The following MCCC1 variants were observed in gnomAD, a reference collection of about 807,000 sequenced individuals.
MCCC1 encodes the protein methylcrotonoyl-CoA carboxylase subunit alpha, mitochondrial.
MCCC1 carries 64 observed loss-of-function variants against 83.8 expected under a neutral mutation model. That is an observed-to-expected ratio of 0.76 (90% CI 0.62 to 0.94). The LOEUF is 0.94. Among genes scored for constraint, MCCC1 ranks in the 40% least tolerant of loss-of-function variants. The pLI, the probability that MCCC1 is intolerant of heterozygous loss-of-function variation, is 0.00. For missense variants in MCCC1, 807 were observed against 904.7 expected (o/e 0.89, Z 1.39); for synonymous variants, 322 against 315.4 (o/e 1.02, Z -0.22).
intron 7 of MCCC1, among the ~76,000 whole-genome samples, chr3:183,070,660 G>A (rs1018314185): frequency 6.6e-6 from 1 of 152,000 alleles, no homozygotes; most frequent in African/African-American, 2.4e-5. Flanking sequence ...TTGAACTCGG[G>A]AGGCAGAGGT....
At chr3:183,109,486 TGTAA>T (rs1034076268) in intron 1 of MCCC1, among the ~76,000 whole-genome samples, 2 of 152,226 alleles carry the variant, frequency 1.3e-5, no homozygotes, top group Non-Finnish European at 2.9e-5. Context: ...AGCTCCCACT[TGTAA>T]GTGAGAACAT....
At chr3:183,103,025 G>A (rs905701959), upstream of MCCC1, among the ~76,000 whole-genome samples, 80 of 152,030 alleles carry the variant, frequency 5.3e-4, no homozygotes, top group Middle Eastern at 6.8e-3. Context: ...CTGACTTCAA[G>A]AATGAAACCG....
intron 7 of MCCC1, among the ~76,000 whole-genome samples, chr3:183,069,950 A>G (rs535448285): frequency 1.3e-5 from 2 of 152,348 alleles, no homozygotes; most frequent in Admixed American, 1.3e-4. Context: ...GCCTGGGTTC[A>G]AATCTCAGCT....
chr3:183,109,313 G>T (rs1160235964), intron 1 of MCCC1, among the ~76,000 whole-genome samples: 1 of 151,952 alleles, frequency 6.6e-6, no homozygotes, highest in Non-Finnish European at 1.5e-5. Context: ...ATTTATATGG[G>T]TATATTGCAT....
chr3:183,045,678 T>C, intron 9 of MCCC1, 138 bp from the exon 10 acceptor site: 1 of 909,750 alleles, frequency 1.1e-6, no homozygotes, highest in African/African-American at 1.7e-5. Flanking sequence ...AGAAAACATC[T>C]CGCATTTGCA....
intron 11 of MCCC1, among the ~76,000 whole-genome samples, chr3:183,041,039 A>T (rs1031492829): frequency 6.6e-6 from 1 of 152,244 alleles, no homozygotes; most frequent in African/African-American, 2.4e-5. Flanking sequence ...AAAGGAACAC[A>T]AGTAGAAAAA....
chr3:183,113,417 G>A, intron 1 of MCCC1, among the ~76,000 whole-genome samples: 1 of 136,632 alleles, frequency 7.3e-6, no homozygotes, highest in Non-Finnish European at 1.6e-5. Flanking sequence ...GACTGTTGTG[G>A]GGTGGGGGGA....
At chr3:183,094,678 A>T in intron 1 of MCCC1, 73 bp from the exon 2 acceptor site, 1 of 1,494,452 alleles carries the variant, frequency 6.7e-7, no homozygotes, top group Non-Finnish European at 9.3e-7. Context: ...AAAGAATTTC[A>T]GTTTCTTAAA....
rs547421709 is a variant in MCCC1 at position 183,037,381 on chromosome 3, T to C, written c.1431A>G (p.Pro477=). ...IDFLLNLSGH[P]EFEAGNVHTD... is the part of the protein sequence containing the mutation. ...TGTGCACGTTCCCAGCTTCAAACTC[T>C]GGGTGGCCAGACAGGTTGAGTAAGA... Residue 477 remains proline (P), a synonymous_variant, in exon 13 of 19, where the codon CCA becomes CCG. Transcript: ENST00000265594. 45 of 1,614,180 alleles carry C rather than the reference T, an allele frequency of 2.8e-5. No homozygotes were observed. The South Asian group carries it at 4.6e-4, about 17-fold the overall frequency.
chr3:183,056,704 T>G (rs1715444396), intron 8 of MCCC1, among the ~76,000 whole-genome samples: 1 of 152,210 alleles, frequency 6.6e-6, no homozygotes, highest in Admixed American at 6.5e-5. Context: ...TTCTGTTTTT[T>G]TGTTTGAGAC....
chr3:183,114,696 C>G (rs1486586333), intron 1 of MCCC1, among the ~76,000 whole-genome samples: 1 of 152,160 alleles, frequency 6.6e-6, no homozygotes, highest in Non-Finnish European at 1.5e-5. Flanking sequence ...AGAGAGCAAG[C>G]CACTTATTCA....
intron 11 of MCCC1, among the ~76,000 whole-genome samples, chr3:183,039,965 G>A (rs1274361996): frequency 2.6e-5 from 4 of 151,650 alleles, no homozygotes; most frequent in East Asian, 3.9e-4. Context: ...GCGTGGTGGC[G>A]GGTGCCTGTA....
intron 7 of MCCC1, among the ~76,000 whole-genome samples, chr3:183,060,610 A>T (rs1363433670): frequency 3.3e-5 from 5 of 152,018 alleles, no homozygotes; most frequent in Admixed American, 2.6e-4. Context: ...TTTCTAGGGT[A>T]CATGTGCACA....
At chr3:183,107,547 T>C (rs1387465484) in intron 1 of MCCC1, among the ~76,000 whole-genome samples, 1 of 151,858 alleles carries the variant, frequency 6.6e-6, no homozygotes, top group Non-Finnish European at 1.5e-5. Context: ...GTTGTTGTTG[T>C]TGTTGTTGTT....
intron 7 of MCCC1, among the ~76,000 whole-genome samples, chr3:183,059,240 C>T (rs751699228): frequency 3.3e-5 from 5 of 152,132 alleles, no homozygotes; most frequent in African/African-American, 4.8e-5. Context: ...ACCTGGGAGG[C>T]GGAGGCTGCA....
chr3:183,096,452 T>C (rs1718743117), intron 1 of MCCC1, among the ~76,000 whole-genome samples: 1 of 152,186 alleles, frequency 6.6e-6, no homozygotes, highest in African/African-American at 2.4e-5. Flanking sequence ...AAGGACTAAC[T>C]AACCATTTTA....
At chr3:183,041,903 T>C (rs1452895136) in intron 10 of MCCC1, among the ~76,000 whole-genome samples, 153 bp from the exon 11 acceptor site, 1 of 152,184 alleles carries the variant, frequency 6.6e-6, no homozygotes, top group Non-Finnish European at 1.5e-5. Flanking sequence ...CTCATTTGAG[T>C]ATTGGGCAAA....
chr3:183,022,328 G>T, intron 16 of MCCC1, 89 bp downstream of exon 16: 1 of 1,497,398 alleles, frequency 6.7e-7, no homozygotes. Flanking sequence ...CAGGAAGCTG[G>T]ATCTTTCTAA....
At chr3:183,062,305 A>T (rs1225306237) in intron 7 of MCCC1, among the ~76,000 whole-genome samples, 1 of 151,538 alleles carries the variant, frequency 6.6e-6, no homozygotes, top group Non-Finnish European at 1.5e-5. Context: ...TGTGGGGGCC[A>T]CATCAAGAGC....
Sources: allele counts gnomAD v4.1 joint callset (sites outside exome capture counted in the v4.1 genomes callset), GRCh38; gene constraint gnomAD v4.1.1; transcripts MANE v1.5; gene names NCBI Gene and HGNC (gene_info 2026-07-23, HGNC 2026-07-21).